The following DEPDC1B variants were observed in gnomAD, a reference collection of about 807,000 sequenced individuals.
DEPDC1B encodes the protein DEP domain containing 1B, also known as DEP domain-containing protein 1B.
In DEPDC1B, 51 loss-of-function variants were observed where a neutral mutation model predicts 66.5. The ratio of observed to expected loss-of-function variants is 0.77; its 90% confidence interval spans 0.61 to 0.97. The LOEUF (loss-of-function observed/expected upper bound fraction) is 0.97, where lower values mean the gene tolerates loss of function less well. Among genes scored for constraint, DEPDC1B ranks in the 50% least tolerant of loss-of-function variants. The probability of loss-of-function intolerance (pLI) is 0.00; values close to 1 mark genes in which losing one functional copy is unlikely to be tolerated. For missense variants in DEPDC1B, 552 were observed against 637.1 expected (o/e 0.87, Z 1.44); for synonymous variants, 226 against 223.6 (o/e 1.01, Z -0.10).
chr5:60,660,037 A>G (rs1753672077), intron 2 of DEPDC1B, among the ~76,000 whole-genome samples: 1 of 152,170 alleles, frequency 6.6e-6, no homozygotes, highest in African/African-American at 2.4e-5. Flanking sequence ...ATCAGGATGA[A>G]AATGAATTGA....
In DEPDC1B at chr5:60,647,176, G is replaced by A. The variant is rs1356864839; in HGVS notation, c.450+222C>T. Among the ~76,000 whole-genome samples the A allele has an allele frequency of 2.0e-5, 3 of 151,880 alleles. No homozygotes were observed. In the East Asian group the frequency reaches 5.8e-4, roughly 29 times the overall value. ...GGTGCCAAAAAGGTTGGGGACTGCTGCCCTAAACAATACAGTACAACAACT... is the reference window on the plus strand; with the variant it reads ...GGTGCCAAAAAGGTTGGGGACTGCTACCCTAAACAATACAGTACAACAACT... On this transcript the variant is annotated intron_variant, in intron 3 of 10. Coordinates refer to ENST00000265036, the MANE Select transcript of DEPDC1B (RefSeq NM_018369.3).
chr5:60,632,801 C>A (rs1752955272), intron 7 of DEPDC1B, among the ~76,000 whole-genome samples: 1 of 152,198 alleles, frequency 6.6e-6, no homozygotes, highest in Admixed American at 6.5e-5. Context: ...GGGGATAATG[C>A]AGCATCCAGG....
chr5:60,668,356 C>T (rs981097600), intron 2 of DEPDC1B, among the ~76,000 whole-genome samples: 8 of 148,898 alleles, frequency 5.4e-5, no homozygotes, highest in Non-Finnish European at 1.2e-4. Context: ...CTCACTGCAA[C>T]CTCCGCCTCC....
chr5:60,626,256 T>C (rs537075007), intron 7 of DEPDC1B, among the ~76,000 whole-genome samples: 3 of 152,296 alleles, frequency 2.0e-5, no homozygotes, highest in Admixed American at 6.5e-5. Flanking sequence ...TGCAACAACA[T>C]TGCATTCCTT....
intron 1 of DEPDC1B, among the ~76,000 whole-genome samples, chr5:60,690,926 T>C (rs1486236687): frequency 6.6e-6 from 1 of 152,206 alleles, no homozygotes; most frequent in Non-Finnish European, 1.5e-5. Flanking sequence ...TTCCTGAGCA[T>C]ACAACAGCAG....
chr5:60,597,880 C>T lies in DEPDC1B; in HGVS notation c.1463G>A (p.Arg488Gln), dbSNP rs375582832. The T allele has an allele frequency of 4.3e-5, 70 of 1,611,462 alleles. 1 individual carries two copies. The highest frequency in any genetic ancestry group is 2.9e-4 in the African/African-American group (22 of 74,700). Residue 488 changes from arginine (R) to glutamine (Q), a missense_variant, in exon 11 of 11, where the codon CGA becomes CAA. By Grantham distance (43) the Arg-to-Gln change is conservative. Transcript: ENST00000265036. ...TGCTGCACTTTCTGGTGTAGGAAATCGTTCTTGATAGACTTCAGGATAGGA... is the reference window on the plus strand; with the variant it reads ...TGCTGCACTTTCTGGTGTAGGAAATTGTTCTTGATAGACTTCAGGATAGGA... ...QKSYPEVYQE[R>Q]FPTPESAALL...
intron 2 of DEPDC1B, among the ~76,000 whole-genome samples, chr5:60,667,945 G>T (rs1753911290): frequency 1.9e-5 from 2 of 105,586 alleles, no homozygotes; most frequent in African/African-American, 7.2e-5. Flanking sequence ...ATATAAAATG[G>T]ATATTTTATA....
intron 2 of DEPDC1B, among the ~76,000 whole-genome samples, chr5:60,679,037 A>G (rs533992542): frequency 6.6e-6 from 1 of 152,194 alleles, no homozygotes; most frequent in African/African-American, 2.4e-5. Context: ...TAAATCTATG[A>G]TCCACTTTGA....
intron 7 of DEPDC1B, among the ~76,000 whole-genome samples, chr5:60,630,359 C>A (rs1752895307): frequency 6.6e-6 from 1 of 152,154 alleles, no homozygotes; most frequent in Non-Finnish European, 1.5e-5. Flanking sequence ...GCTGCAAGGA[C>A]CAACGGAGCA....
At chr5:60,622,202 C>CA (rs1177453342) in intron 7 of DEPDC1B, among the ~76,000 whole-genome samples, 3 of 152,120 alleles carry the variant, frequency 2.0e-5, no homozygotes, top group African/African-American at 7.2e-5. Context: ...TCCGCCCCCC[C>CA]AAAGAATCTA....
At chr5:60,688,736 T>A (rs1324213487) in intron 1 of DEPDC1B, among the ~76,000 whole-genome samples, 1 of 152,130 alleles carries the variant, frequency 6.6e-6, no homozygotes, top group Non-Finnish European at 1.5e-5. Flanking sequence ...GTTAACACTT[T>A]TCTCTAGGAA....
chr5:60,627,176 A>G (rs745608845), intron 7 of DEPDC1B, among the ~76,000 whole-genome samples: 8 of 152,144 alleles, frequency 5.3e-5, no homozygotes, highest in Non-Finnish European at 1.2e-4. Flanking sequence ...TTTGTTCCTT[A>G]ACTTCTTCCC....
intron 1 of DEPDC1B, among the ~76,000 whole-genome samples, chr5:60,696,209 G>GA (rs202207674): frequency 6.0e-4 from 91 of 150,714 alleles, no homozygotes; most frequent in Non-Finnish European, 8.7e-4. Context: ...TCCCACACAG[G>GA]AAAAAAAAAT....
At chr5:60,652,104 C>A (rs1753471398) in intron 2 of DEPDC1B, among the ~76,000 whole-genome samples, 1 of 148,984 alleles carries the variant, frequency 6.7e-6, no homozygotes, top group Admixed American at 6.7e-5. Flanking sequence ...AGTGAGGTAG[C>A]CAAATATGCA....
At chr5:60,658,897 C>T (rs1480154141) in intron 2 of DEPDC1B, among the ~76,000 whole-genome samples, 1 of 152,202 alleles carries the variant, frequency 6.6e-6, no homozygotes, top group Non-Finnish European at 1.5e-5. Flanking sequence ...TTACCACTGT[C>T]GCAGACCGGC....
chr5:60,659,871 C>T (rs954031948), intron 2 of DEPDC1B, among the ~76,000 whole-genome samples: 2 of 152,158 alleles, frequency 1.3e-5, no homozygotes, highest in Non-Finnish European at 2.9e-5. Flanking sequence ...AAGCTATGAA[C>T]CCAGGGAGTC....
intron 7 of DEPDC1B, among the ~76,000 whole-genome samples, chr5:60,625,948 T>A (rs2111803464): frequency 6.6e-6 from 1 of 152,318 alleles, no homozygotes; most frequent in East Asian, 1.9e-4. Context: ...TGAGATACTA[T>A]ATTCTTTTTA....
intron 7 of DEPDC1B, among the ~76,000 whole-genome samples, chr5:60,620,697 G>T (rs1230149485): frequency 6.6e-6 from 1 of 152,224 alleles, no homozygotes; most frequent in Admixed American, 6.5e-5. Flanking sequence ...TGGTGGGACT[G>T]TAAACTGGTT....
At chr5:60,614,980 G>A (rs1179882843) in intron 7 of DEPDC1B, among the ~76,000 whole-genome samples, 1 of 152,178 alleles carries the variant, frequency 6.6e-6, no homozygotes, top group Non-Finnish European at 1.5e-5. Context: ...GACAGAGCAA[G>A]ACCCTGTCTC....
Sources: allele counts gnomAD v4.1 joint callset (sites outside exome capture counted in the v4.1 genomes callset), GRCh38; gene constraint gnomAD v4.1.1; transcripts MANE v1.5; gene names NCBI Gene and HGNC (gene_info 2026-07-23, HGNC 2026-07-21).